Variants in UBN2 observed in about 807,000 individuals in gnomAD.
UBN2 encodes ubinuclein-2.
A neutral mutation model predicts 120.2 loss-of-function variants in UBN2; 35 were observed. The ratio of observed to expected loss-of-function variants is 0.29; its 90% CI spans 0.22 to 0.39. The LOEUF is 0.39. Among genes scored for constraint, UBN2 ranks in the 10% least tolerant of loss-of-function variants. UBN2 has a pLI of 1.00. For synonymous variants in UBN2, 661 were observed against 648.7 expected (o/e 1.02, Z -0.29); for missense variants, 1,693 against 1,663.2 (o/e 1.02, Z -0.31).
chr7:139,258,349 A>C (rs1373398456), intron 3 of UBN2, 139 bp from the exon 4 acceptor site: 1 of 593,578 alleles, frequency 1.7e-6, no homozygotes, highest in East Asian at 3.0e-5. Flanking sequence ...TTCTAAATTT[A>C]TTTTACAAAC....
intron 9 of UBN2, 53 bp downstream of exon 9, chr7:139,272,493 GTTAT>G: frequency 1.7e-6 from 2 of 1,182,818 alleles, no homozygotes; most frequent in East Asian, 2.5e-5. Flanking sequence ...GTGTATGTAC[GTTAT>G]GTATGTATGT....
At chr7:139,253,104 G>A (rs1477690906) in intron 3 of UBN2, among the ~76,000 whole-genome samples, 2 of 152,250 alleles carry the variant, frequency 1.3e-5, no homozygotes, top group East Asian at 3.9e-4. Context: ...TTATATATTA[G>A]TACATGGATA....
At chr7:139,280,090 G>A (rs1205512294) in intron 13 of UBN2, among the ~76,000 whole-genome samples, 3 of 152,170 alleles carry the variant, frequency 2.0e-5, no homozygotes, top group Admixed American at 6.6e-5. Flanking sequence ...ACTGGCAAAA[G>A]CAAATTCTCT....
In UBN2 at chr7:139,259,277, T is replaced by C. The variant is rs1378409081; in HGVS notation, c.812T>C (p.Ile271Thr). The C allele has an allele frequency of 6.2e-7, 1 of 1,612,100 alleles. No homozygotes were observed. The highest frequency in any genetic ancestry group is 1.7e-5 in the Admixed American group (1 of 59,636). Residue 271 changes from isoleucine (I) to threonine (T), a missense_variant, in exon 5 of 18, where the codon ATA (isoleucine) becomes ACA (threonine). Around this residue, in one of 5 missense-constraint regions of UBN2, gnomAD observed 663 missense variants for 591.2 expected, o/e 1.12. Transcript: ENST00000473989. ...QKHKPPKVPK[I>T]KEDDIEMKKR... ...TTTATCATTTTGCAGGTCCCCAAAA[T>C]AAAAGAAGATGATATTGAGATGAAG...
At chr7:139,280,723 G>A (rs1246404479) in intron 13 of UBN2, among the ~76,000 whole-genome samples, 1 of 152,184 alleles carries the variant, frequency 6.6e-6, no homozygotes, top group African/African-American at 2.4e-5. Flanking sequence ...TCGGCTCACT[G>A]CAACCTCTGC....
rs1227760876 is a variant in UBN2, at chr7:139,293,302, C to T, written c.3740C>T (p.Thr1247Ile). 6.2e-7 allele frequency: 1 copy of T among 1,614,240 alleles called. No individual in the cohort carries two copies. The highest frequency in any genetic ancestry group is 1.7e-5 in the Admixed American group (1 of 60,028). The change falls in exon 16 of 18, where the codon ACA becomes ATA. Residue 1247 changes from threonine to isoleucine, a missense_variant. This residue lies in a region of UBN2 where 837 missense variants were observed against 817.6 expected (regional missense o/e 1.02). Coordinates refer to ENST00000473989, the MANE Select transcript of UBN2 (RefSeq NM_173569.4). The part of the protein sequence containing the change: ...LTLMTSPLSV[T>I]NQNVTPFGML... The stretch of plus-strand genomic sequence containing the variant: ...CTCATGACATCACCTTTGTCTGTAA[C>T]AAATCAAAATGTGACTCCTTTTGGG...
At chr7:139,317,892 A>T in the UBN2 span, among the ~76,000 whole-genome samples, 5 of 152,088 alleles carry the variant, frequency 3.3e-5, no homozygotes, top group African/African-American at 1.2e-4. Context: ...CAAACTCCTG[A>T]CCTCAGGTGA....
chr7:139,322,563 C>T, the UBN2 span, among the ~76,000 whole-genome samples: 3 of 149,944 alleles, frequency 2.0e-5, no homozygotes, highest in Admixed American at 6.7e-5. Flanking sequence ...TCTAAGCCAG[C>T]AATGGGGAGA....
intron 15 of UBN2, among the ~76,000 whole-genome samples, chr7:139,289,536 C>T (rs775569602): frequency 6.6e-6 from 1 of 151,550 alleles, no homozygotes; most frequent in African/African-American, 2.4e-5. Context: ...CCTCAGCCTC[C>T]AAGTACCTGG....
chr7:139,296,165 G>A (rs116911304), intron 17 of UBN2, among the ~76,000 whole-genome samples: 2,287 of 152,262 alleles, frequency 0.015, 30 homozygotes, highest in Non-Finnish European at 0.024. Context: ...CATAGTAAGA[G>A]CTCAGTTAAT....
chr7:139,261,595 G>C lies in UBN2; in HGVS notation c.1249G>C (p.Asp417His). ...CGACAGATTACTGGATGCTGCTTCT[G>C]ATGGTAGCCCCCTATCTGAGTCGGG... ...DFDRLLDAAS[D>H]GSPLSESGGE... Residue 417 changes from aspartate (D) to histidine (H), a missense_variant, in exon 6 of 18, where the codon GAT becomes CAT. Asp to His is a moderately conservative substitution (Grantham distance 81). Transcript: ENST00000473989. 2 of 1,614,200 alleles carry C rather than the reference G, an allele frequency of 1.2e-6. No homozygotes were observed. The highest frequency in any genetic ancestry group is 1.7e-6 in the Non-Finnish European group (2 of 1,180,038).
intron 7 of UBN2, among the ~76,000 whole-genome samples, chr7:139,268,875 C>G (rs1446641908): frequency 6.6e-6 from 1 of 152,210 alleles, no homozygotes; most frequent in African/African-American, 2.4e-5. Flanking sequence ...TACTCTTAAA[C>G]TAGATTGATA....
intron 15 of UBN2, among the ~76,000 whole-genome samples, chr7:139,287,864 A>G (rs1797836974): frequency 6.6e-6 from 1 of 152,150 alleles, no homozygotes; most frequent in African/African-American, 2.4e-5. Context: ...GTTCCTATCT[A>G]TGCCTGTAAA....
Position 139,298,348 on chromosome 7 carries a change from G to A in UBN2, c.*512G>A, listed in dbSNP as rs991978088. 1 of 154,992 alleles carries A rather than the reference G, an allele frequency of 6.5e-6. No homozygotes were observed. The highest frequency in any genetic ancestry group is 1.4e-5 in the Non-Finnish European group (1 of 69,800). 9.6% of individuals were successfully genotyped at this position (154,992 alleles called of 1,614,324 possible). ...AAGAAATAATAATGATTCTATCTCC[G>A]ATAGACAGTAGCTGCATAGCACACC... On this transcript the variant is annotated 3_prime_UTR_variant, in exon 18 of 18. Transcript: ENST00000473989.
At position 139,293,715 on chromosome 7, in the gene UBN2, G is replaced by A. The variant is rs1031888326; in HGVS notation, c.3902-174G>A. On this transcript the variant is annotated intron_variant, in intron 16 of 17. Transcript: ENST00000473989. ...TTTAAGAGGAAGTCAGTTGTGTTGG[G>A]TTATGTGCATACACATACATTAACA... 4 of 655,394 alleles carry A rather than the reference G, an allele frequency of 6.1e-6. No individual in the cohort carries two copies. In the African/African-American group the frequency reaches 7.3e-5, roughly 12 times the overall value. 40.6% of individuals were successfully genotyped at this position (655,394 alleles called of 1,614,324 possible).
At chr7:139,297,193 CAAAAA>C (rs952689538) in intron 17 of UBN2, among the ~76,000 whole-genome samples, 2 of 56,426 alleles carry the variant, frequency 3.5e-5, no homozygotes, top group Non-Finnish European at 3.6e-5. Context: ...GACTCCGTCT[CAAAAA>C]AAAAAAAAAA....
At chr7:139,278,583 T>C (rs1797515561) in intron 12 of UBN2, among the ~76,000 whole-genome samples, 1 of 151,944 alleles carries the variant, frequency 6.6e-6, no homozygotes, top group African/African-American at 2.4e-5. Flanking sequence ...ATGGGATAAG[T>C]GGGCCTAGAG....
chr7:139,276,513 A>G (rs1797445783), intron 12 of UBN2: 4 of 249,130 alleles, frequency 1.6e-5, no homozygotes, highest in South Asian at 1.1e-4. Context: ...ACAGATCCAT[A>G]TGCACACCCA....
intron 7 of UBN2, among the ~76,000 whole-genome samples, chr7:139,268,559 A>G (rs562686137): frequency 6.6e-6 from 1 of 152,296 alleles, no homozygotes; most frequent in African/African-American, 2.4e-5. Flanking sequence ...GGATCAATAA[A>G]TATACAACAT....
Sources: gnomAD v4.1 joint callset for allele counts (sites outside exome capture counted in the v4.1 genomes callset) on GRCh38, gnomAD v4.1.1 for gene constraint, gnomAD v4.1.1 regional missense constraint, MANE v1.5 for transcripts, NCBI Gene and HGNC (gene_info 2026-07-23, HGNC 2026-07-21) for gene names.